FGGY: variants seen among roughly 807,000 people sequenced by gnomAD.
The protein encoded by FGGY is FGGY carbohydrate kinase domain containing, also known as FGGY carbohydrate kinase domain-containing protein.
FGGY carries 72 observed loss-of-function variants against 71.3 expected under a neutral mutation model. That is an observed-to-expected ratio of 1.01 (90% CI 0.84 to 1.23). FGGY has a LOEUF of 1.23. FGGY is among the 50% of genes most tolerant of loss of function. The pLI, the probability that FGGY is intolerant of heterozygous loss-of-function variation, is 0.00. For missense variants in FGGY, 668 were observed against 682.3 expected, an observed-to-expected ratio of 0.98 and a Z score of 0.23; for synonymous variants, 251 against 250.3, an observed-to-expected ratio of 1.00 and a Z score of -0.02.
chr1:59,635,430 A>G (rs1344716509), intron 10 of FGGY, among the ~76,000 whole-genome samples: 1 of 152,154 alleles, frequency 6.6e-6, no homozygotes, highest in East Asian at 1.9e-4. Flanking sequence ...AAATGAGACA[A>G]TGACGAATCA....
At chr1:59,452,552 T>C (rs771303734) in intron 5 of FGGY, among the ~76,000 whole-genome samples, 5 of 152,252 alleles carry the variant, frequency 3.3e-5, no homozygotes, top group Non-Finnish European at 7.3e-5. Context: ...AGATGTTCTA[T>C]GTGGTCTCTC....
chr1:59,601,954 T>A (rs1483205116), intron 8 of FGGY, among the ~76,000 whole-genome samples: 1 of 152,138 alleles, frequency 6.6e-6, no homozygotes, highest in East Asian at 1.9e-4. Flanking sequence ...CAGAGCAAAG[T>A]AAGTACTTCA....
rs939797213 is a variant in FGGY at position 59,586,960 on chromosome 1, C to T, written c.904-20843C>T. The stretch of plus-strand genomic sequence containing the variant: ...AGTGGGCGCAGGACAGTGGGTGCAG[C>T]GCACCGTGCACGAGCTGAAGCAGGG... On this transcript the variant is annotated intron_variant, in intron 8 of 15. Transcript: ENST00000303721. Among the ~76,000 whole-genome samples the T allele has an allele frequency of 5.9e-5, 9 of 152,286 alleles. No homozygotes were observed. In the South Asian group the frequency reaches 1.0e-3, roughly 18 times the overall value.
chr1:59,595,671 C>CA (rs1350089953), intron 8 of FGGY, among the ~76,000 whole-genome samples: 1 of 152,100 alleles, frequency 6.6e-6, no homozygotes, highest in Non-Finnish European at 1.5e-5. Context: ...GCCTGGGTGA[C>CA]AGAGTGAGAC....
rs573206549 is a variant in FGGY, at chr1:59,490,347, A to G, written c.671-21964A>G. Among the ~76,000 whole-genome samples the G allele has an allele frequency of 7.9e-5, 12 of 152,238 alleles. No homozygotes were observed. The South Asian group carries it at 2.1e-3, about 26-fold the overall frequency. ...TTACAGGCGTGAGTCACCATTTGCC[A>G]ATATTTAAATCAGGTTGGTTGTTTT... On this transcript the variant is annotated intron_variant, in intron 6 of 15. Transcript: ENST00000303721.
At chr1:59,729,420 TG>T in intron 14 of FGGY, among the ~76,000 whole-genome samples, 1 of 152,322 alleles carries the variant, frequency 6.6e-6, no homozygotes, top group South Asian at 2.1e-4. Context: ...CCTTTTAGCA[TG>T]CCTTTTAATA....
Position 59,674,084 on chromosome 1 carries a change from G to T in FGGY, c.1463G>T (p.Gly488Val), listed in dbSNP as rs1474277052. 4 of 1,614,032 alleles carry T rather than the reference G, an allele frequency of 2.5e-6. No individual in the cohort carries two copies. The highest frequency in any genetic ancestry group is 3.4e-6 in the Non-Finnish European group (4 of 1,179,970). ...CAAGAGGTGGAGTCCGTTCTTGTGG[G>T]TGCTGCTGTTCTGGGTGCCTGTGCC... is the stretch of plus-strand genomic sequence containing the variant. ...LSQEVESVLV[G>V]AAVLGACASG... The change falls in exon 14 of 16, where the codon GGT (glycine) becomes GTT (valine). Residue 488 changes from glycine (G) to valine (V), a missense_variant. By Grantham distance (109) the Gly-to-Val change is moderately radical (BLOSUM62 -3). Around this residue, in one of 2 missense-constraint regions of FGGY, gnomAD observed 661 missense variants for 661.6 expected, o/e 1.00. Transcript: ENST00000303721.
chr1:59,384,587 C>T (rs2059864227), intron 5 of FGGY, among the ~76,000 whole-genome samples: 1 of 152,142 alleles, frequency 6.6e-6, no homozygotes, highest in South Asian at 2.1e-4. Context: ...CTTTCTCTAT[C>T]AGTTTTGGCA....
At chr1:59,500,413 A>G (rs1001339073) in intron 6 of FGGY, among the ~76,000 whole-genome samples, 2 of 152,152 alleles carry the variant, frequency 1.3e-5, no homozygotes, top group South Asian at 2.1e-4. Flanking sequence ...GTGGTTCTCC[A>G]TGGTCTCTCA....
Position 59,456,962 on chromosome 1 carries a change from T to G in FGGY, c.556T>G (p.Ser186Ala). ...SWKATGVTAR[S>A]LCSLVCKWTY... is the part of the protein sequence containing the mutation. ...TCTATATCTCTTCTATTTTCTTAGG[T>G]CTCTCTGCTCCCTGGTGTGTAAGTG... is the stretch of plus-strand genomic sequence containing the variant. The change falls in exon 6 of 16, where the codon TCT becomes GCT. Residue 186 changes from serine to alanine, a missense_variant and splice_region_variant. By Grantham distance (99) the Ser-to-Ala change is moderately conservative (BLOSUM62 1). This residue lies in a region of FGGY where 661 missense variants were observed against 661.6 expected (regional missense o/e 1.00). Coordinates refer to ENST00000303721, the MANE Select transcript of FGGY (RefSeq NM_018291.5). The G allele has an allele frequency of 6.2e-7, 1 of 1,610,856 alleles. No homozygotes were observed. The highest frequency in any genetic ancestry group is 8.5e-7 in the Non-Finnish European group (1 of 1,177,102).
intron 9 of FGGY, among the ~76,000 whole-genome samples, chr1:59,617,802 G>A (rs2153831667): frequency 6.6e-6 from 1 of 152,186 alleles, no homozygotes; most frequent in South Asian, 2.1e-4. Context: ...TGGTGGCATT[G>A]ACTTTCTGGA....
At chr1:59,694,619 C>T (rs893098381) in intron 14 of FGGY, among the ~76,000 whole-genome samples, 25 of 151,102 alleles carry the variant, frequency 1.7e-4, no homozygotes, top group African/African-American at 5.4e-4. Flanking sequence ...GAGTCTTCTT[C>T]GATATATTAA....
chr1:59,666,368 C>T (rs2097326258), intron 12 of FGGY, among the ~76,000 whole-genome samples: 1 of 152,172 alleles, frequency 6.6e-6, no homozygotes, highest in Admixed American at 6.5e-5. Flanking sequence ...CCCTTATGGC[C>T]ACATCACAGT....
At chr1:59,480,070 G>A (rs998823978) in intron 6 of FGGY, among the ~76,000 whole-genome samples, 2 of 152,110 alleles carry the variant, frequency 1.3e-5, no homozygotes, top group Non-Finnish European at 2.9e-5. Context: ...CTCGCAACTG[G>A]ATTATTCAAC....
intron 8 of FGGY, among the ~76,000 whole-genome samples, chr1:59,591,071 G>T (rs1366933704): frequency 1.3e-5 from 2 of 152,182 alleles, no homozygotes; most frequent in Non-Finnish European, 2.9e-5. Context: ...TCCTCAAGCT[G>T]ATAAGCAACT....
chr1:59,393,083 G>C (rs548769957), intron 5 of FGGY: 3 of 152,320 alleles, frequency 2.0e-5, no homozygotes, highest in Admixed American at 1.3e-4. Context: ...GTGGCAGCCT[G>C]TCTTTTAAAA....
chr1:59,663,453 G>T (rs2097296182), intron 12 of FGGY, among the ~76,000 whole-genome samples: 1 of 152,148 alleles, frequency 6.6e-6, no homozygotes, highest in Non-Finnish European at 1.5e-5. Context: ...TTCCTGGTAA[G>T]AGTACTGCAG....
chr1:59,461,596 A>G (rs1334467795), intron 6 of FGGY, among the ~76,000 whole-genome samples: 1 of 152,158 alleles, frequency 6.6e-6, no homozygotes, highest in African/African-American at 2.4e-5. Context: ...AAGAAGAGCA[A>G]CCCCAAGACA....
At chr1:59,604,983 A>T (rs546774523) in intron 8 of FGGY, among the ~76,000 whole-genome samples, 2 of 152,302 alleles carry the variant, frequency 1.3e-5, no homozygotes, top group South Asian at 2.1e-4. Context: ...GAGTGGTGAA[A>T]ATAAGTACCA....
Sources: allele counts gnomAD v4.1 joint callset (sites outside exome capture counted in the v4.1 genomes callset), GRCh38; gene constraint gnomAD v4.1.1; regional missense constraint gnomAD v4.1.1; transcripts MANE v1.5; gene names NCBI Gene and HGNC (gene_info 2026-07-23, HGNC 2026-07-21).